SLC26A5: variants seen among roughly 807,000 people sequenced by gnomAD.
SLC26A5 encodes the protein solute carrier family 26 member 5, also known as prestin.
A neutral mutation model predicts 81.0 loss-of-function variants in SLC26A5; 51 were observed. The ratio of observed to expected loss-of-function variants is 0.63; its 90% CI spans 0.50 to 0.80. SLC26A5 has a LOEUF of 0.80. Among genes scored for constraint, SLC26A5 ranks in the 30% least tolerant of loss-of-function variants. The probability of loss-of-function intolerance (pLI) is 0.00; values close to 1 mark genes in which losing one functional copy is unlikely to be tolerated. For missense variants in SLC26A5, 771 were observed against 905.8 expected, an observed-to-expected ratio of 0.85 and a Z score of 1.91; for synonymous variants, 325 against 332.8, an observed-to-expected ratio of 0.98 and a Z score of 0.25.
At chr7:103,354,813 T>C in intron 19 of SLC26A5, 3 of 1,162,918 alleles carry the variant, frequency 2.6e-6, no homozygotes, top group Non-Finnish European at 3.8e-6. Flanking sequence ...TACCTGTAGT[T>C]TTAATAAATG....
intron 4 of SLC26A5, among the ~76,000 whole-genome samples, chr7:103,419,950 T>C (rs1825211191): frequency 6.6e-6 from 1 of 152,152 alleles, no homozygotes; most frequent in Non-Finnish European, 1.5e-5. Context: ...CATGCCTTGA[T>C]TGGATGGTTA....
chr7:103,438,988 C>A (rs1244068425), intron 2 of SLC26A5, among the ~76,000 whole-genome samples: 1 of 152,190 alleles, frequency 6.6e-6, no homozygotes, highest in Non-Finnish European at 1.5e-5. Flanking sequence ...CACATAGGTT[C>A]AACTATGCTC....
chr7:103,415,876 T>C (rs931860164), intron 4 of SLC26A5, among the ~76,000 whole-genome samples: 13 of 152,170 alleles, frequency 8.5e-5, no homozygotes, highest in Non-Finnish European at 1.6e-4. Context: ...CATTTCTTCC[T>C]TCTGTTTACT....
intron 9 of SLC26A5, among the ~76,000 whole-genome samples, chr7:103,393,489 A>C (rs968332095): frequency 9.2e-5 from 14 of 152,110 alleles, no homozygotes; most frequent in African/African-American, 2.9e-4. Context: ...AGGAGAATTA[A>C]TGTCCTAGCA....
downstream of SLC26A5, among the ~76,000 whole-genome samples, chr7:103,370,985 T>G (rs1820999806): frequency 6.6e-6 from 1 of 152,194 alleles, no homozygotes; most frequent in African/African-American, 2.4e-5. Context: ...TGGAAAAACA[T>G]AGAAGATACA....
rs999201597 is a variant in SLC26A5 at position 103,360,918 on chromosome 7, C to T, written c.2042-7992G>A. ...CTTGAGGTCGGGAGTTTGAAACCAG[C>T]CTGGCCAACATGGTGAAACCCCGTA... is the stretch of plus-strand genomic sequence containing the variant. On this transcript the variant is annotated intron_variant, in intron 19 of 19. Transcript: ENST00000339444. 1.1e-4 allele frequency among the ~76,000 whole-genome samples: 17 copies of T among 151,752 alleles called. 1 individual carries two copies. Among genetic ancestry groups the T allele is most frequent in the Non-Finnish European group, 1.9e-4 (13 of 67,964 alleles).
chr7:103,404,054 G>A (rs1230550951), intron 8 of SLC26A5, among the ~76,000 whole-genome samples: 7 of 152,020 alleles, frequency 4.6e-5, no homozygotes, highest in Admixed American at 4.6e-4. Context: ...GTGGTGGCAG[G>A]CACCTGTAAT....
intron 4 of SLC26A5, among the ~76,000 whole-genome samples, chr7:103,420,000 T>G (rs867704437): frequency 3.3e-5 from 5 of 152,156 alleles, no homozygotes; most frequent in African/African-American, 1.2e-4. Flanking sequence ...AGGTGCCTAA[T>G]AGACATGTAC....
intron 2 of SLC26A5, among the ~76,000 whole-genome samples, chr7:103,427,771 C>T (rs1015619457): frequency 1.3e-5 from 2 of 151,982 alleles, no homozygotes; most frequent in African/African-American, 4.8e-5. Flanking sequence ...GTCAACTACA[C>T]CAGGGTTTTC....
intron 19 of SLC26A5, chr7:103,364,134 C>T (rs778150181): frequency 6.4e-5 from 103 of 1,611,582 alleles, no homozygotes; most frequent in Non-Finnish European, 8.4e-5. Context: ...AATTGTGTCT[C>T]TATCACAGCC....
rs570239022 is a variant in SLC26A5 at position 103,433,340 on chromosome 7, T to C, written c.-54+9743A>G. 8 of 152,324 alleles carry C rather than the reference T, an allele frequency of 5.3e-5. No homozygotes were observed. In the South Asian group the frequency reaches 1.5e-3, roughly 28 times the overall value. 9.4% of individuals were successfully genotyped at this position (152,324 alleles called of 1,614,324 possible). A position where few individuals can be genotyped will look rare whatever the true frequency, so the allele number is the denominator to read the frequency against. On this transcript the variant is annotated intron_variant, in intron 2 of 19. Transcript: ENST00000306312. The stretch of plus-strand genomic sequence containing the variant: ...TCTGACAGTCTTTATTTCAAGGTTA[T>C]TTGAACATTTGTTATGTTTTATCCT...
chr7:103,389,184 T>TGC, intron 13 of SLC26A5, 70 bp from the exon 14 acceptor site: 7 of 1,257,308 alleles, frequency 5.6e-6, no homozygotes, highest in South Asian at 4.8e-5. Flanking sequence ...CACACAAGTG[T>TGC]GCACACACAC....
chr7:103,360,059 C>A (rs1388608472), intron 19 of SLC26A5, among the ~76,000 whole-genome samples: 1 of 149,286 alleles, frequency 6.7e-6, no homozygotes, highest in Non-Finnish European at 1.5e-5. Flanking sequence ...CCAGCCTGGG[C>A]AGCAGTGAGA....
chr7:103,441,629 C>T (rs907375804), intron 2 of SLC26A5, among the ~76,000 whole-genome samples: 2 of 152,148 alleles, frequency 1.3e-5, no homozygotes, highest in Non-Finnish European at 1.5e-5. Flanking sequence ...CCCACCTCAA[C>T]AAGTCACAGA....
chr7:103,397,178 G>C (rs1423496892), intron 9 of SLC26A5, among the ~76,000 whole-genome samples: 1 of 151,000 alleles, frequency 6.6e-6, no homozygotes, highest in Admixed American at 6.6e-5. Flanking sequence ...AAGCTGAGGC[G>C]GGCGGATCAC....
chr7:103,358,441 T>C (rs962236264), intron 19 of SLC26A5, among the ~76,000 whole-genome samples: 2 of 152,192 alleles, frequency 1.3e-5, no homozygotes, highest in Non-Finnish European at 2.9e-5. Flanking sequence ...AATTCTCTTA[T>C]TTGGATATGG....
At chr7:103,371,566 C>G (rs1233718192), downstream of SLC26A5, among the ~76,000 whole-genome samples, 4 of 151,354 alleles carry the variant, frequency 2.6e-5, no homozygotes, top group Non-Finnish European at 5.9e-5. Flanking sequence ...ACCTCGTGAT[C>G]TGCCTGCCTC....
intron 19 of SLC26A5, among the ~76,000 whole-genome samples, chr7:103,358,337 A>G (rs925697850): frequency 6.6e-6 from 1 of 152,014 alleles, no homozygotes; most frequent in African/African-American, 2.4e-5. Context: ...GTTTTCATCC[A>G]TTGTCCTGGG....
At chr7:103,409,932 C>A (rs1167446013) in intron 7 of SLC26A5, among the ~76,000 whole-genome samples, 1 of 152,162 alleles carries the variant, frequency 6.6e-6, no homozygotes, top group East Asian at 1.9e-4. Flanking sequence ...TAGTCTCGAT[C>A]TCCTGACCTC....
Sources: gnomAD v4.1 joint callset for allele counts (sites outside exome capture counted in the v4.1 genomes callset) on GRCh38, gnomAD v4.1.1 for gene constraint, MANE v1.5 for transcripts, NCBI Gene and HGNC (gene_info 2026-07-23, HGNC 2026-07-21) for gene names.